Variants in FANCA observed in about 807,000 individuals in gnomAD.
FANCA encodes Fanconi anemia group A protein.
In FANCA, 236 loss-of-function variants were observed where a neutral mutation model predicts 194.3. The ratio of observed to expected loss-of-function variants is 1.21; its 90% CI spans 1.09 to 1.35. The LOEUF (loss-of-function observed/expected upper bound fraction) is 1.35, where lower values mean the gene tolerates loss of function less well. Ranked by LOEUF, FANCA falls within the 40% of genes most tolerant of loss-of-function variation. The pLI, the probability that FANCA is intolerant of heterozygous loss-of-function variation, is 0.00. For missense variants in FANCA, 2,628 were observed against 1,813.9 expected (o/e 1.45, Z -8.15); for synonymous variants, 1,014 against 715.8 (o/e 1.42, Z -6.65).
At chr16:89,809,788 C>T (rs1412221085) in intron 5 of FANCA, among the ~76,000 whole-genome samples, 1 of 150,464 alleles carries the variant, frequency 6.6e-6, no homozygotes, top group Non-Finnish European at 1.5e-5. Flanking sequence ...GGGAGGCGGA[C>T]GTTGCGATAA....
chr16:89,759,318 TAAAAAAAA>T lies in FANCA; in HGVS notation c.2853-621_2853-614del, dbSNP rs71137673. ...TTGGGCAACAGAGCGAGACTCCGTC[TAAAAAAAA>T]AAAAAAAAAAAAAAAAAAAAAAAGT... On this transcript the variant is annotated intron_variant, in intron 29 of 42. Coordinates refer to ENST00000389301, the MANE Select transcript of FANCA (RefSeq NM_000135.4). Among the ~76,000 whole-genome samples, 400 of 75,206 alleles carry T rather than the reference TAAAAAAAA, an allele frequency of 5.3e-3. 15 individuals are homozygous for T. Among genetic ancestry groups the T allele is most frequent in the African/African-American group, 0.015 (303 of 19,550 alleles). The allele number at this position is 75,206 out of a possible 152,430, so 49.3% of individuals were successfully genotyped here.
At chr16:89,814,846 C>T (rs964938870) in intron 2 of FANCA, among the ~76,000 whole-genome samples, 1 of 151,840 alleles carries the variant, frequency 6.6e-6, no homozygotes, top group Non-Finnish European at 1.5e-5. Flanking sequence ...GAGGCTGAGA[C>T]GGGAGAATCA....
At chr16:89,816,422 G>C (rs1466787905) in intron 1 of FANCA, 115 bp downstream of exon 1, 1 of 940,884 alleles carries the variant, frequency 1.1e-6, no homozygotes, top group Admixed American at 4.4e-5. Context: ...AGCCCCCCGG[G>C]CGCGGCGTCC....
At chr16:89,811,205 T>G in intron 3 of FANCA, 134 bp from the exon 4 acceptor site, 1 of 1,048,362 alleles carries the variant, frequency 9.5e-7, no homozygotes, top group South Asian at 1.4e-5. Context: ...GGAGAATAGA[T>G]GCAAAGGGAA....
In FANCA at chr16:89,792,535, A is replaced by G; in HGVS notation, c.1019T>C (p.Val340Ala). ...AAAGCTCCACTCTCTCTGCATCTGA[A>G]CAGCATCAGATGCTGCAGGGGGAGA... is the stretch of plus-strand genomic sequence containing the variant. ...HSPVLKASDA[V>A]QMQREWSFAR... The change falls in exon 12 of 43, where the codon GTT (valine) becomes GCT (alanine). Residue 340 changes from valine (V) to alanine (A), a missense_variant. Physicochemically the swap from Val to Ala is moderately conservative, Grantham distance 64. Transcript: ENST00000389301. The G allele has an allele frequency of 6.2e-7, 1 of 1,613,030 alleles. No individual in the cohort carries two copies. The highest frequency in any genetic ancestry group is 8.5e-7 in the Non-Finnish European group (1 of 1,179,790).
chr16:89,739,900 A>G (rs566316317), intron 39 of FANCA, 94 bp downstream of exon 39: 2 of 1,577,574 alleles, frequency 1.3e-6, no homozygotes, highest in East Asian at 2.3e-5. Context: ...TTACTTAGCA[A>G]GGAACCTCAA....
chr16:89,739,250 T>C lies in FANCA; in HGVS notation c.4050A>G (p.Glu1350=). ...SYFHEDAAIR[E]EAFLHVAVDM... The stretch of plus-strand genomic sequence containing the variant: ...CCACAGCAACATGCAGGAAGGCCTC[T>C]TCCCTGATGGCCGCGTCTTCATGGA... Residue 1350 remains glutamate, a synonymous_variant, in exon 41 of 43, where the codon GAA becomes GAG. Coordinates refer to ENST00000389301, the MANE Select transcript of FANCA (RefSeq NM_000135.4). 6.2e-7 allele frequency: 1 copy of C among 1,614,168 alleles called. No individual in the cohort carries two copies. The highest frequency in any genetic ancestry group is 8.5e-7 in the Non-Finnish European group (1 of 1,180,044).
intron 31 of FANCA, among the ~76,000 whole-genome samples, chr16:89,751,592 G>A (rs2038593022): frequency 6.6e-6 from 1 of 152,142 alleles, no homozygotes. Flanking sequence ...AGAGCTGGCG[G>A]AGGGAGAGAC....
chr16:89,814,901 A>T (rs187479052), intron 2 of FANCA, among the ~76,000 whole-genome samples: 42 of 152,252 alleles, frequency 2.8e-4, no homozygotes, highest in African/African-American at 9.6e-4. Flanking sequence ...AGATCACCCC[A>T]CTGCATACCA....
Position 89,816,636 on chromosome 16 carries a change from CGGCGGCG to C in FANCA, c.-28_-22del. On this transcript the variant is annotated 5_prime_UTR_variant, in exon 1 of 43. Coordinates refer to ENST00000389301, the MANE Select transcript of FANCA (RefSeq NM_000135.4). Reference sequence around the variant, plus strand: ...GACATGGCCTTGGCGCCTACAGCCCCGGCGGCGGCTCCCTGCGCCCGAGCCCGCGCTG... The same window carrying C: ...GACATGGCCTTGGCGCCTACAGCCCCGCTCCCTGCGCCCGAGCCCGCGCTG... 6.6e-7 allele frequency: 1 copy of C among 1,516,712 alleles called. No individual in the cohort carries two copies. The highest frequency in any genetic ancestry group is 8.8e-7 in the Non-Finnish European group (1 of 1,139,480). 94.0% of individuals were successfully genotyped at this position (1,516,712 alleles called of 1,614,324 possible).
intron 29 of FANCA, among the ~76,000 whole-genome samples, chr16:89,759,349 A>AAAAAAAAAAAAAAAAAAAAAAAG (rs1386463570): frequency 7.2e-6 from 1 of 139,460 alleles, no homozygotes; most frequent in Non-Finnish European, 1.6e-5. Context: ...AAAAAAAAAA[A>AAAAAAAAAAAAAAAAAAAAAAAG]GTAGCCTGGA....
chr16:89,795,160 C>A (rs2040200637), intron 11 of FANCA, among the ~76,000 whole-genome samples: 1 of 151,182 alleles, frequency 6.6e-6, no homozygotes, highest in South Asian at 2.1e-4. Flanking sequence ...TGGCACATGC[C>A]CGTAATCCCA....
chr16:89,739,125 G>A lies in FANCA; in HGVS notation c.4167+8C>T, dbSNP rs772665586. 1 of 1,614,116 alleles carries A rather than the reference G, an allele frequency of 6.2e-7. No homozygotes were observed. The highest frequency in any genetic ancestry group is 1.3e-5 in the African/African-American group (1 of 75,064). On this transcript the variant is annotated splice_region_variant and intron_variant, in intron 41 of 42. Transcript: ENST00000389301. Reference sequence around the variant, plus strand: ...TCCCCTGGAGGTGGGACTGGCCCTTGCACCTGCCTGACCCTTGAGCTCCAG... The same window carrying A: ...TCCCCTGGAGGTGGGACTGGCCCTTACACCTGCCTGACCCTTGAGCTCCAG...
intron 15 of FANCA, among the ~76,000 whole-genome samples, chr16:89,783,906 C>T (rs1712744494): frequency 1.8e-5 from 2 of 111,354 alleles, no homozygotes; most frequent in Non-Finnish European, 3.7e-5. Context: ...TAGGACTACG[C>T]GCGCGCTACC....
chr16:89,790,434 T>G (rs902189973), intron 14 of FANCA, among the ~76,000 whole-genome samples: 1 of 143,160 alleles, frequency 7.0e-6, no homozygotes, highest in Non-Finnish European at 1.5e-5. Flanking sequence ...AATAAATAAA[T>G]AAATAAAAAG....
At position 89,746,685 on chromosome 16, in the gene FANCA, G is replaced by C. The variant is rs138417003; in HGVS notation, c.3412C>G (p.Leu1138Val). The change falls in exon 35 of 43, where the codon CTC (leucine) becomes GTC (valine). Residue 1138 changes from leucine to valine, a missense_variant. Transcript: ENST00000389301. Reference sequence around the variant, plus strand: ...CTGCTCCGCAGACAGGCGTTCAGGAGGCCCTGCAGGAGAGAACGCAGCAGG... The same window carrying C: ...CTGCTCCGCAGACAGGCGTTCAGGACGCCCTGCAGGAGAGAACGCAGCAGG... Reference protein sequence around the residue: ...QDITAHFFRGLLNACLRSRDP... With the variant: ...QDITAHFFRGVLNACLRSRDP... 8.2e-4 allele frequency: 1,323 copies of C among 1,614,004 alleles called. 15 individuals are homozygous for C. The South Asian group carries it at 0.011, about 13-fold the overall frequency.
intron 14 of FANCA, among the ~76,000 whole-genome samples, chr16:89,790,360 C>G (rs1171153880): frequency 3.3e-5 from 5 of 149,876 alleles, no homozygotes; most frequent in Non-Finnish European, 7.4e-5. Flanking sequence ...CACCAGTGCA[C>G]TCCAGTATGA....
intron 11 of FANCA, among the ~76,000 whole-genome samples, chr16:89,794,078 G>A (rs1180472128): frequency 7.6e-6 from 1 of 132,034 alleles, no homozygotes; most frequent in African/African-American, 3.0e-5. Flanking sequence ...GCTTCAGTGT[G>A]AAGACAGATC....
intron 21 of FANCA, 109 bp downstream of exon 21, chr16:89,775,633 G>T: frequency 1.1e-6 from 1 of 879,052 alleles, no homozygotes; most frequent in Non-Finnish European, 1.8e-6. Context: ...GGCTTGAGCT[G>T]GCACAGCCAC....
Sources: gnomAD v4.1 joint callset for allele counts (sites outside exome capture counted in the v4.1 genomes callset) on GRCh38, gnomAD v4.1.1 for gene constraint, MANE v1.5 for transcripts, NCBI Gene and HGNC (gene_info 2026-07-23, HGNC 2026-07-21) for gene names.